Variants in AKAP10 observed in about 807,000 individuals in gnomAD.
AKAP10 encodes A-kinase anchor protein 10, mitochondrial.
In AKAP10, 24 loss-of-function variants were observed where a neutral mutation model predicts 80.8. The ratio of observed to expected loss-of-function variants is 0.30; its 90% CI spans 0.22 to 0.42. The LOEUF is 0.42. AKAP10 is among the 10% of genes least tolerant of loss of function. The pLI, the probability that AKAP10 is intolerant of heterozygous loss-of-function variation, is 1.00. For missense variants in AKAP10, 661 were observed against 794.9 expected (o/e 0.83, Z 2.03); for synonymous variants, 291 against 277.7 (o/e 1.05, Z -0.48).
At chr17:19,963,623 G>A (rs2043380293) in intron 2 of AKAP10, among the ~76,000 whole-genome samples, 1 of 152,114 alleles carries the variant, frequency 6.6e-6, no homozygotes, top group African/African-American at 2.4e-5. Context: ...GGCCAGGCAT[G>A]GTGGCTCATG....
chr17:19,913,240 G>A (rs2042710628), intron 12 of AKAP10, among the ~76,000 whole-genome samples: 2 of 144,274 alleles, frequency 1.4e-5, no homozygotes, highest in South Asian at 2.2e-4. Flanking sequence ...TGCAACCTCC[G>A]CCTCCCGGGT....
At chr17:19,937,873 G>A (rs1033710223) in intron 8 of AKAP10, among the ~76,000 whole-genome samples, 1 of 151,470 alleles carries the variant, frequency 6.6e-6, no homozygotes, top group African/African-American at 2.4e-5. Flanking sequence ...CCCTAAACTG[G>A]CTATTTATCA....
chr17:19,918,361 G>A (rs1483675169), intron 12 of AKAP10, among the ~76,000 whole-genome samples: 2 of 151,984 alleles, frequency 1.3e-5, no homozygotes, highest in African/African-American at 2.4e-5. Context: ...CCTGGCCAAT[G>A]TAGTGAAACC....
intron 11 of AKAP10, 24 bp from the exon 12 acceptor site, chr17:19,920,142 T>A (rs1446326219): frequency 6.6e-7 from 1 of 1,514,654 alleles, no homozygotes; most frequent in East Asian, 2.3e-5. Context: ...AACAGAAGAC[T>A]TTAACTTCTA....
chr17:19,967,620 C>T (rs557575814), intron 2 of AKAP10, among the ~76,000 whole-genome samples: 52 of 152,336 alleles, frequency 3.4e-4, no homozygotes, highest in Non-Finnish European at 5.7e-4. Flanking sequence ...TGGTGGCTCA[C>T]GCCTGTAATC....
intron 12 of AKAP10, among the ~76,000 whole-genome samples, chr17:19,915,041 G>A (rs2042730476): frequency 6.6e-6 from 1 of 152,174 alleles, no homozygotes. Context: ...CATAGGGCAA[G>A]AAAGTTCAAA....
At chr17:19,921,315 G>A (rs1382718905) in intron 11 of AKAP10, among the ~76,000 whole-genome samples, 1 of 151,688 alleles carries the variant, frequency 6.6e-6, no homozygotes, top group Non-Finnish European at 1.5e-5. Context: ...CTACGGGTGC[G>A]CCACCACGCC....
At position 19,970,832 on chromosome 17, in the gene AKAP10, A is replaced by AAAAT. The variant is rs757334967; in HGVS notation, c.89-2375_89-2372dup. 2.5e-3 allele frequency among the ~76,000 whole-genome samples: 375 copies of AAAAT among 151,498 alleles called. 12 individuals carry two copies. In the East Asian group the frequency reaches 0.068, roughly 28 times the overall value. ...AGCAAGACTCTGTCTTAAAAAAAAA[A>AAAAT]AAATAAATAAATAAATAAAGACATT... On this transcript the variant is annotated intron_variant, in intron 1 of 14. Transcript: ENST00000225737.
intron 8 of AKAP10, 145 bp downstream of exon 8, chr17:19,939,568 T>C (rs1018972684): frequency 4.4e-6 from 4 of 906,808 alleles, no homozygotes; most frequent in Non-Finnish European, 1.6e-6. Flanking sequence ...CCCCAAAGCT[T>C]TACAAACACC....
At chr17:19,931,511 C>T (rs1233281588) in intron 10 of AKAP10, among the ~76,000 whole-genome samples, 1 of 151,746 alleles carries the variant, frequency 6.6e-6, no homozygotes, top group Admixed American at 6.6e-5. Flanking sequence ...CTGCCTCAGC[C>T]TCCCAAGTAG....
chr17:19,918,332 G>A (rs1195655493), intron 12 of AKAP10, among the ~76,000 whole-genome samples: 2 of 151,994 alleles, frequency 1.3e-5, no homozygotes, highest in Admixed American at 6.6e-5. Context: ...CTGAGGTCAG[G>A]AGTTTGAGAC....
chr17:19,960,803 A>G (rs2043339433), intron 3 of AKAP10, among the ~76,000 whole-genome samples: 1 of 152,036 alleles, frequency 6.6e-6, no homozygotes, highest in Non-Finnish European at 1.5e-5. Context: ...AGGCGGGCTG[A>G]TCACCTGAGG....
chr17:19,936,982 C>T (rs1049895914), intron 8 of AKAP10, among the ~76,000 whole-genome samples: 3 of 151,802 alleles, frequency 2.0e-5, no homozygotes, highest in Non-Finnish European at 2.9e-5. Flanking sequence ...ACTGATGACT[C>T]GGTGTGGAAA....
At chr17:19,926,261 C>A (rs2042874176) in intron 10 of AKAP10, among the ~76,000 whole-genome samples, 1 of 150,300 alleles carries the variant, frequency 6.7e-6, no homozygotes. Context: ...CAATATTCAA[C>A]ACCCTTTCAT....
intron 1 of AKAP10, among the ~76,000 whole-genome samples, chr17:19,972,616 C>T (rs1031060634): frequency 6.6e-5 from 10 of 152,168 alleles, no homozygotes; most frequent in African/African-American, 2.2e-4. Flanking sequence ...CCACCACGCC[C>T]GGCTAATGTT....
At chr17:19,977,556 C>A in intron 1 of AKAP10, 36 bp downstream of exon 1, 6 of 1,228,212 alleles carry the variant, frequency 4.9e-6, no homozygotes, top group Non-Finnish European at 6.1e-6. Flanking sequence ...GCCCCTGAGG[C>A]CCGGCCTGAC....
chr17:19,916,298 T>C (rs1025790242), intron 12 of AKAP10, among the ~76,000 whole-genome samples: 11 of 152,196 alleles, frequency 7.2e-5, no homozygotes, highest in African/African-American at 2.7e-4. Context: ...TGTCTGTTAC[T>C]GTCTCCGCCA....
intron 12 of AKAP10, among the ~76,000 whole-genome samples, chr17:19,911,911 C>T (rs1307923768): frequency 7.1e-6 from 1 of 140,674 alleles, no homozygotes; most frequent in African/African-American, 2.6e-5. Flanking sequence ...GTCTAAGCTC[C>T]TTAAAATGAC....
intron 11 of AKAP10, among the ~76,000 whole-genome samples, 200 bp downstream of exon 11, chr17:19,924,208 T>A (rs958808862): frequency 6.6e-6 from 1 of 152,114 alleles, no homozygotes; most frequent in African/African-American, 2.4e-5. Flanking sequence ...CGGCTGCCAA[T>A]AAATGGCAGA....
Sources: allele counts gnomAD v4.1 joint callset (sites outside exome capture counted in the v4.1 genomes callset), GRCh38; gene constraint gnomAD v4.1.1; transcripts MANE v1.5; gene names NCBI Gene and HGNC (gene_info 2026-07-23, HGNC 2026-07-21).